The following MED13L variants were observed in gnomAD, a reference collection of about 807,000 sequenced individuals.
MED13L encodes the protein mediator of RNA polymerase II transcription subunit 13-like.
A neutral mutation model predicts 220.9 loss-of-function variants in MED13L; 7 were observed. The ratio of observed to expected loss-of-function variants is 0.03; its 90% CI spans 0.02 to 0.06. MED13L has a LOEUF of 0.06. Among genes scored for constraint, MED13L ranks in the 10% least tolerant of loss-of-function variants. The pLI is 1.00. For missense variants in MED13L, 1,965 were observed against 2,760.5 expected (o/e 0.71, Z 6.46); for synonymous variants, 1,011 against 1,015.2 (o/e 1.00, Z 0.08).
intron 2 of MED13L, among the ~76,000 whole-genome samples, chr12:116,200,254 AAAGT>A (rs1881927397): frequency 6.6e-6 from 1 of 152,112 alleles, no homozygotes; most frequent in Non-Finnish European, 1.5e-5. Flanking sequence ...CCCCAGGAAA[AAAGT>A]AATAATGGCC....
At chr12:116,001,357 G>A (rs1878730708) in intron 14 of MED13L, among the ~76,000 whole-genome samples, 1 of 152,102 alleles carries the variant, frequency 6.6e-6, no homozygotes, top group Non-Finnish European at 1.5e-5. Context: ...CCACCATGTG[G>A]TGCCAAGTTT....
intron 1 of MED13L, among the ~76,000 whole-genome samples, chr12:116,241,341 A>C (rs11067951): frequency 0.13 from 18,955 of 149,158 alleles, 1,803 homozygotes; most frequent in East Asian, 0.44. Context: ...ACAAAAAAAA[A>C]ACACACACAC....
chr12:116,166,632 C>T (rs1879302410), intron 2 of MED13L, among the ~76,000 whole-genome samples: 1 of 152,088 alleles, frequency 6.6e-6, no homozygotes, highest in Non-Finnish European at 1.5e-5. Flanking sequence ...CTTATTAAGT[C>T]AAATCACCAT....
intron 1 of MED13L, among the ~76,000 whole-genome samples, chr12:116,252,017 C>A (rs1871609949): frequency 6.6e-6 from 1 of 151,608 alleles, no homozygotes; most frequent in African/African-American, 2.4e-5. Flanking sequence ...TGTCTAGGCA[C>A]CTAATAACAG....
chr12:116,157,010 G>A (rs1593110712), intron 2 of MED13L, among the ~76,000 whole-genome samples: 1 of 152,052 alleles, frequency 6.6e-6, no homozygotes, highest in Non-Finnish European at 1.5e-5. Context: ...GAGAGCAAGC[G>A]AGAGAGAAGG....
At chr12:116,197,584 T>A (rs1020473800) in intron 2 of MED13L, among the ~76,000 whole-genome samples, 1 of 152,036 alleles carries the variant, frequency 6.6e-6, no homozygotes, top group African/African-American at 2.4e-5. Context: ...CTGACCAACA[T>A]GGAGAAACTC....
chr12:116,165,929 CT>C (rs746108205), intron 2 of MED13L, among the ~76,000 whole-genome samples: 16 of 152,194 alleles, frequency 1.1e-4, no homozygotes, highest in Non-Finnish European at 2.2e-4. Context: ...CTGCATTGGT[CT>C]TTCGTTCCTG....
At chr12:116,271,035 C>T (rs1389185999) in intron 1 of MED13L, among the ~76,000 whole-genome samples, 7 of 102,230 alleles carry the variant, frequency 6.8e-5, no homozygotes, top group African/African-American at 3.0e-4. Flanking sequence ...AGCGAGACTC[C>T]GTCTCAAAAA....
chr12:116,031,578 C>T (rs376499895), intron 4 of MED13L, among the ~76,000 whole-genome samples: 2 of 113,540 alleles, frequency 1.8e-5, no homozygotes, highest in East Asian at 2.9e-4. Flanking sequence ...GGCAACAGAG[C>T]GAGACTCTGT....
intron 3 of MED13L, among the ~76,000 whole-genome samples, chr12:116,103,120 C>T (rs1475933989): frequency 6.6e-6 from 1 of 152,164 alleles, no homozygotes; most frequent in Non-Finnish European, 1.5e-5. Context: ...CATGCCTGTC[C>T]GGTTAGCCTC....
intron 4 of MED13L, among the ~76,000 whole-genome samples, chr12:116,064,473 G>A (rs1343446687): frequency 1.3e-5 from 2 of 152,128 alleles, no homozygotes. Context: ...CTTATGAAAA[G>A]AGGTCAATTT....
chr12:116,031,078 A>G (rs1880707251), intron 4 of MED13L, among the ~76,000 whole-genome samples: 1 of 152,192 alleles, frequency 6.6e-6, no homozygotes, highest in Admixed American at 6.5e-5. Flanking sequence ...AAGTTCAATA[A>G]TAATTATTTT....
chr12:116,086,597 C>A (rs1871714760), intron 4 of MED13L, among the ~76,000 whole-genome samples: 2 of 152,062 alleles, frequency 1.3e-5, no homozygotes, highest in South Asian at 4.1e-4. Context: ...TATTCTTTAA[C>A]CATAAATATC....
Position 116,099,407 on chromosome 12 carries a change from G to A in MED13L, c.396-2655C>T, listed in dbSNP as rs370412533. ...GCTGAGAATAAAAGCAATACGGCAC[G>A]TAACAGGTATGGAGTCACGTCAAAC... On this transcript the variant is annotated intron_variant, in intron 3 of 30. Coordinates refer to ENST00000281928, the MANE Select transcript of MED13L (RefSeq NM_015335.5). Among the ~76,000 whole-genome samples the A allele has an allele frequency of 3.3e-5, 5 of 152,308 alleles. No individual in the cohort carries two copies. The South Asian group carries it at 6.2e-4, about 19-fold the overall frequency.
At chr12:116,258,759 G>C (rs563128105) in intron 1 of MED13L, among the ~76,000 whole-genome samples, 2 of 142,114 alleles carry the variant, frequency 1.4e-5, no homozygotes, top group Admixed American at 7.4e-5. Context: ...CTGGGCGACA[G>C]AGTGAGACTC....
chr12:116,109,413 C>T (rs1873888076), intron 3 of MED13L, among the ~76,000 whole-genome samples: 1 of 152,008 alleles, frequency 6.6e-6, no homozygotes, highest in African/African-American at 2.4e-5. Flanking sequence ...TTCTGCTCTT[C>T]TAATTGTCTC....
At chr12:116,129,651 G>C (rs949832882) in intron 2 of MED13L, among the ~76,000 whole-genome samples, 3 of 152,168 alleles carry the variant, frequency 2.0e-5, no homozygotes, top group African/African-American at 7.2e-5. Flanking sequence ...GCTCACGCCT[G>C]TAATCCCAGC....
intron 2 of MED13L, among the ~76,000 whole-genome samples, chr12:116,127,362 G>A (rs1158119177): frequency 1.3e-5 from 2 of 152,124 alleles, no homozygotes; most frequent in Non-Finnish European, 2.9e-5. Flanking sequence ...AAGTTCAACT[G>A]TATATACATC....
intron 1 of MED13L, among the ~76,000 whole-genome samples, chr12:116,246,239 G>A (rs1221473918): frequency 4.7e-5 from 7 of 147,508 alleles, no homozygotes; most frequent in Middle Eastern, 3.6e-3. Context: ...TTCTCAGGAA[G>A]CTACTGGGTG....
Sources: allele counts gnomAD v4.1 joint callset (sites outside exome capture counted in the v4.1 genomes callset), GRCh38; gene constraint gnomAD v4.1.1; transcripts MANE v1.5; gene names NCBI Gene and HGNC (gene_info 2026-07-23, HGNC 2026-07-21).